TMEM182: variants seen among roughly 807,000 people sequenced by gnomAD.
The protein encoded by TMEM182 is transmembrane protein 182.
In TMEM182, 20 loss-of-function variants were observed where a neutral mutation model predicts 26.8. The ratio of observed to expected loss-of-function variants is 0.75; its 90% CI spans 0.53 to 1.09. The LOEUF is 1.09. TMEM182 is among the 50% of genes least tolerant of loss of function. The probability of loss-of-function intolerance (pLI) is 0.00; values close to 1 mark genes in which losing one functional copy is unlikely to be tolerated. For missense variants in TMEM182, 277 were observed against 275.5 expected, an observed-to-expected ratio of 1.01 and a Z score of -0.04; for synonymous variants, 109 against 102.2, an observed-to-expected ratio of 1.07 and a Z score of -0.40.
intron 3 of TMEM182, among the ~76,000 whole-genome samples, chr2:102,790,439 A>G (rs966789351): frequency 6.6e-6 from 1 of 152,196 alleles, no homozygotes; most frequent in Non-Finnish European, 1.5e-5. Flanking sequence ...AAGAAATACT[A>G]TGGGGCTTTA....
chr2:102,768,096 C>G (rs1212422383), intron 3 of TMEM182, among the ~76,000 whole-genome samples: 1 of 152,162 alleles, frequency 6.6e-6, no homozygotes, highest in African/African-American at 2.4e-5. Context: ...CTGGGCCATG[C>G]TCTCCTTTAT....
At chr2:102,785,125 A>G (rs12478933) in intron 3 of TMEM182, among the ~76,000 whole-genome samples, 1 of 152,126 alleles carries the variant, frequency 6.6e-6, no homozygotes, top group East Asian at 1.9e-4. Flanking sequence ...TCATAAAAGG[A>G]CCAGTATGAC....
At chr2:102,777,135 G>T (rs1159531854) in intron 3 of TMEM182, among the ~76,000 whole-genome samples, 1 of 151,964 alleles carries the variant, frequency 6.6e-6, no homozygotes, top group African/African-American at 2.4e-5. Flanking sequence ...TCACAGAGCA[G>T]AAATTTTAAA....
Position 102,797,982 on chromosome 2 carries a change from G to A in TMEM182, c.451G>A (p.Gly151Ser). 1.2e-6 allele frequency: 2 copies of A among 1,613,936 alleles called. No individual in the cohort carries two copies. The highest frequency in any genetic ancestry group is 1.7e-6 in the Non-Finnish European group (2 of 1,179,980). Residue 151 changes from glycine (G) to serine (S), a missense_variant, in exon 4 of 5, where the codon GGC (glycine) becomes AGC (serine). Gly to Ser is a moderately conservative substitution (Grantham distance 56). Transcript: ENST00000412401. ...ASHFLYKAGG[G>S]SYIAAGILFS... is the part of the protein sequence containing the mutation. Reference sequence around the variant, plus strand: ...CCATTTTCTCTACAAAGCTGGGGGAGGCTCATATATTGCTGCAGGTACGTA... The same window carrying A: ...CCATTTTCTCTACAAAGCTGGGGGAAGCTCATATATTGCTGCAGGTACGTA...
chr2:102,805,668 G>A (rs1422157959), intron 4 of TMEM182, among the ~76,000 whole-genome samples: 2 of 151,884 alleles, frequency 1.3e-5, no homozygotes, highest in Non-Finnish European at 2.9e-5. Context: ...GCAAACAAAT[G>A]TTTTTACTCA....
intron 3 of TMEM182, among the ~76,000 whole-genome samples, chr2:102,830,151 G>A (rs1355129563): frequency 1.3e-5 from 2 of 152,196 alleles, no homozygotes; most frequent in Non-Finnish European, 2.9e-5. Context: ...TGGTCACAGA[G>A]ATGTCTTACT....
At chr2:102,746,869 G>C (rs1679715811) in intron 1 of TMEM182, among the ~76,000 whole-genome samples, 1 of 152,174 alleles carries the variant, frequency 6.6e-6, no homozygotes. Flanking sequence ...TTACAGGTGT[G>C]AGCCACCATG....
chr2:102,827,833 G>A (rs937909071), intron 3 of TMEM182, among the ~76,000 whole-genome samples: 1 of 152,306 alleles, frequency 6.6e-6, no homozygotes, highest in East Asian at 1.9e-4. Flanking sequence ...TAGGCCGGGT[G>A]TGGTGGCTCA....
chr2:102,828,828 G>A (rs1482347595), intron 3 of TMEM182, among the ~76,000 whole-genome samples: 1 of 152,154 alleles, frequency 6.6e-6, no homozygotes, highest in Admixed American at 6.5e-5. Context: ...TGATGCCTTA[G>A]AAGCAACTGG....
chr2:102,822,891 GAAGA>G (rs1469882870), intron 3 of TMEM182, among the ~76,000 whole-genome samples: 1 of 151,950 alleles, frequency 6.6e-6, no homozygotes, highest in African/African-American at 2.4e-5. Context: ...AAAAGAAGAA[GAAGA>G]AAGAAGAAAG....
chr2:102,773,883 A>G (rs1315213570), intron 3 of TMEM182, among the ~76,000 whole-genome samples: 1 of 152,194 alleles, frequency 6.6e-6, no homozygotes, highest in Non-Finnish European at 1.5e-5. Context: ...TATCAAATGA[A>G]CATCACCCGT....
At chr2:102,834,658 G>C (rs771757912) in intron 3 of TMEM182, among the ~76,000 whole-genome samples, 1 of 152,162 alleles carries the variant, frequency 6.6e-6, no homozygotes, top group Admixed American at 6.5e-5. Context: ...TGTAGATCCA[G>C]GGTCTCTGAA....
intron 3 of TMEM182, among the ~76,000 whole-genome samples, chr2:102,792,522 A>G (rs1681692211): frequency 1.3e-5 from 2 of 152,220 alleles, no homozygotes; most frequent in South Asian, 4.1e-4. Flanking sequence ...AGAGTGCATG[A>G]ACTCTATGCA....
In TMEM182 at chr2:102,797,975, T is replaced by C. The variant is rs776342008; in HGVS notation, c.444T>C (p.Ala148=). ...APFASHFLYK[A]GGGSYIAAGI... ...TCGCCAGCCATTTTCTCTACAAAGC[T>C]GGGGGAGGCTCATATATTGCTGCAG... The change falls in exon 4 of 5, where the codon GCT becomes GCC. Residue 148 remains alanine (A), a synonymous_variant. Coordinates refer to ENST00000412401, the MANE Select transcript of TMEM182 (RefSeq NM_144632.5). The C allele has an allele frequency of 6.2e-7, 1 of 1,613,896 alleles. No homozygotes were observed. The highest frequency in any genetic ancestry group is 8.5e-7 in the Non-Finnish European group (1 of 1,180,004).
intron 3 of TMEM182, among the ~76,000 whole-genome samples, chr2:102,778,086 C>T (rs73005306): frequency 0.015 from 2,289 of 152,118 alleles, 63 homozygotes; most frequent in African/African-American, 0.051. Flanking sequence ...GTTGTTCCAT[C>T]AACTAGTAAG....
chr2:102,791,774 A>G (rs1483210920), intron 3 of TMEM182, among the ~76,000 whole-genome samples: 2 of 152,182 alleles, frequency 1.3e-5, no homozygotes, highest in Non-Finnish European at 2.9e-5. Flanking sequence ...TAAGTTAAAC[A>G]TTGAATTGTA....
rs1274301425 is a variant in TMEM182, at chr2:102,815,653, C to T, written c.*685C>T. On this transcript the variant is annotated 3_prime_UTR_variant, in exon 5 of 5. Transcript: ENST00000412401. Reference sequence around the variant, plus strand: ...ACTACATTTAAAACTAGCAAATCTGCATACCAAATTATGTATAACGTAGAT... The same window carrying T: ...ACTACATTTAAAACTAGCAAATCTGTATACCAAATTATGTATAACGTAGAT... 1 of 984,922 alleles carries T rather than the reference C, an allele frequency of 1.0e-6. No homozygotes were observed. The highest frequency in any genetic ancestry group is 1.2e-6 in the Non-Finnish European group (1 of 829,600). The allele number at this position is 984,922 out of a possible 1,614,324, so 61.0% of individuals were successfully genotyped here.
intron 3 of TMEM182, among the ~76,000 whole-genome samples, chr2:102,772,939 GGT>G (rs71948151): frequency 1.4e-3 from 213 of 147,210 alleles, no homozygotes; most frequent in Middle Eastern, 7.1e-3. Flanking sequence ...CTCTCTGAAG[GGT>G]GTGTGTGTGT....
chr2:102,754,636 G>A (rs145713133), intron 1 of TMEM182, among the ~76,000 whole-genome samples: 1,724 of 152,318 alleles, frequency 0.011, 40 homozygotes, highest in African/African-American at 0.039. Context: ...TAGGTGTTGA[G>A]CAATGGCATG....
Sources: gnomAD v4.1 joint callset for allele counts (sites outside exome capture counted in the v4.1 genomes callset) on GRCh38, gnomAD v4.1.1 for gene constraint, MANE v1.5 for transcripts, NCBI Gene and HGNC (gene_info 2026-07-23, HGNC 2026-07-21) for gene names.